The following AJAP1 variants were observed in gnomAD, a reference collection of about 807,000 sequenced individuals.
The protein encoded by AJAP1 is adherens junction-associated protein 1.
In AJAP1, 5 loss-of-function variants were observed where a neutral mutation model predicts 35.0. The observed-to-expected ratio is 0.14, with a 90% CI of 0.07 to 0.30. The LOEUF (loss-of-function observed/expected upper bound fraction) is 0.30. Among genes scored for constraint, AJAP1 ranks in the 10% least tolerant of loss-of-function variants. The pLI is 1.00. For missense variants in AJAP1, 586 were observed against 571.0 expected, an observed-to-expected ratio of 1.03 and a Z score of -0.27; for synonymous variants, 284 against 249.3, an observed-to-expected ratio of 1.14 and a Z score of -1.31.
chr1:4,734,609 A>C lies in AJAP1; in HGVS notation c.829+21910A>C, dbSNP rs1324795746. On this transcript the variant is annotated intron_variant, in intron 2 of 5. Coordinates refer to ENST00000378191, the MANE Select transcript of AJAP1 (RefSeq NM_018836.4). The surrounding 1 kb of genome is among the most constrained non-coding windows in gnomAD (Gnocchi z 4.3). ...GAGACAGGGATTAAGGAGTCTGTCC[A>C]GGTCTGCCCATGAATGAATGTCAGG... Among the ~76,000 whole-genome samples the C allele has an allele frequency of 1.3e-5, 2 of 152,194 alleles. No individual in the cohort carries two copies. Among genetic ancestry groups the C allele is most frequent in the Non-Finnish European group, 2.9e-5 (2 of 68,038 alleles).
At chr1:4,673,434 A>G (rs557740510) in intron 1 of AJAP1, among the ~76,000 whole-genome samples, 1 of 152,216 alleles carries the variant, frequency 6.6e-6, no homozygotes, top group South Asian at 2.1e-4. Context: ...TCTTCTAACA[A>G]GAGCTCATGC....
intron 2 of AJAP1, among the ~76,000 whole-genome samples, chr1:4,739,486 G>A (rs1280741174): frequency 1.3e-5 from 2 of 152,114 alleles, no homozygotes; most frequent in African/African-American, 4.8e-5. Context: ...GAGCTTTCTG[G>A]GGAAATAAGT....
chr1:4,667,755 A>G (rs1226411728), intron 1 of AJAP1, among the ~76,000 whole-genome samples: 1 of 152,170 alleles, frequency 6.6e-6, no homozygotes, highest in South Asian at 2.1e-4. Flanking sequence ...ACCCCCAGTC[A>G]GTTGCTGCTT....
At chr1:4,714,209 G>C (rs371489193) in intron 2 of AJAP1, among the ~76,000 whole-genome samples, 43 of 152,366 alleles carry the variant, frequency 2.8e-4, no homozygotes, top group East Asian at 2.1e-3. Flanking sequence ...GATGGAGGCT[G>C]TGGGCTTGGG....
At chr1:4,706,022 A>T (rs1168085306) in intron 1 of AJAP1, among the ~76,000 whole-genome samples, 1 of 152,092 alleles carries the variant, frequency 6.6e-6, no homozygotes, top group Non-Finnish European at 1.5e-5. Context: ...AATTTTTTGG[A>T]ATGTCTTAAA....
intron 1 of AJAP1, among the ~76,000 whole-genome samples, chr1:4,703,818 G>A (rs1481103599): frequency 6.6e-6 from 1 of 152,182 alleles, no homozygotes; most frequent in Non-Finnish European, 1.5e-5. Flanking sequence ...AGCAGAATAT[G>A]CTGCCACATT....
intron 2 of AJAP1, among the ~76,000 whole-genome samples, chr1:4,749,554 G>A (rs1332392811): frequency 1.3e-5 from 2 of 152,210 alleles, no homozygotes; most frequent in Admixed American, 6.5e-5. Flanking sequence ...CTCCACGGAC[G>A]TGGGGAGGCA....
intron 2 of AJAP1, among the ~76,000 whole-genome samples, chr1:4,754,478 T>G (rs1409141209): frequency 6.6e-6 from 1 of 152,124 alleles, no homozygotes. Context: ...GAGTTTCCAG[T>G]CTCTCAGGCA....
intron 2 of AJAP1, among the ~76,000 whole-genome samples, chr1:4,719,238 C>T (rs988000180): frequency 6.6e-6 from 1 of 152,202 alleles, no homozygotes; most frequent in Non-Finnish European, 1.5e-5. Context: ...ACCATCAGCT[C>T]TGTACTTAGT....
At chr1:4,674,042 CAAAAAAAAAA>C (rs57335438) in intron 1 of AJAP1, among the ~76,000 whole-genome samples, 2 of 81,940 alleles carry the variant, frequency 2.4e-5, no homozygotes, top group African/African-American at 4.6e-5. Context: ...CCCCCGCCAC[CAAAAAAAAAA>C]AAAAAAAAAA....
rs114054111 is a variant in AJAP1, at chr1:4,746,179, C to T, written c.830-23674C>T. Among the ~76,000 whole-genome samples the T allele has an allele frequency of 8.4e-3, 1,275 of 152,294 alleles. 6 individuals are homozygous for T. Among genetic ancestry groups the T allele is most frequent in the Non-Finnish European group, 0.013 (902 of 68,038 alleles). Reference sequence around the variant, plus strand: ...CCAGCTTCTGGGGACTCCAGGCATTCCTCGGACGGTGGCTGCATCTCCCCA... The same window carrying T: ...CCAGCTTCTGGGGACTCCAGGCATTTCTCGGACGGTGGCTGCATCTCCCCA... On this transcript the variant is annotated intron_variant, in intron 2 of 5. Transcript: ENST00000378191.
At chr1:4,667,230 T>C (rs12138132) in intron 1 of AJAP1, among the ~76,000 whole-genome samples, 29,911 of 152,124 alleles carry the variant, frequency 0.2, 3,745 homozygotes, top group Non-Finnish European at 0.28. Context: ...GCTCTGCTTT[T>C]ACTCAGAATT....
chr1:4,737,000 A>G (rs1166363518), intron 2 of AJAP1, among the ~76,000 whole-genome samples: 1 of 152,210 alleles, frequency 6.6e-6, no homozygotes, highest in African/African-American at 2.4e-5. Flanking sequence ...TAATCCAGCC[A>G]TCATCTAGAG....
In AJAP1 at chr1:4,726,821, C is replaced by G. The variant is rs544237429; in HGVS notation, c.829+14122C>G. ...GCCGGCTGCTGAGCTCGGGCCTGGT[C>G]TCCTTCAGGGTCCCTGGGGGATGGG... On this transcript the variant is annotated intron_variant, in intron 2 of 5. Transcript: ENST00000378191. 5.9e-5 allele frequency among the ~76,000 whole-genome samples: 9 copies of G among 152,210 alleles called. No individual in the cohort carries two copies. In the South Asian group the frequency reaches 1.9e-3, roughly 32 times the overall value.
At chr1:4,752,183 G>T (rs887854315) in intron 2 of AJAP1, among the ~76,000 whole-genome samples, 11 of 151,192 alleles carry the variant, frequency 7.3e-5, no homozygotes, top group Non-Finnish European at 1.5e-4. Context: ...GGAGGAGGGA[G>T]GAGAGAGAGG....
chr1:4,714,785 C>A (rs1640350506), intron 2 of AJAP1, among the ~76,000 whole-genome samples: 1 of 152,194 alleles, frequency 6.6e-6, no homozygotes, highest in African/African-American at 2.4e-5. Context: ...TACAGCAGCG[C>A]TCATCAGGGC....
intron 1 of AJAP1, among the ~76,000 whole-genome samples, chr1:4,671,516 G>GC (rs1639248551): frequency 1.3e-5 from 2 of 152,016 alleles, no homozygotes; most frequent in African/African-American, 4.8e-5. Context: ...AAGGTATGGA[G>GC]CCACAGGCCC....
In AJAP1 at chr1:4,711,988, G is replaced by T; in HGVS notation, c.118G>T (p.Ala40Ser). 1 of 1,592,530 alleles carries T rather than the reference G, an allele frequency of 6.3e-7. No homozygotes were observed. Among genetic ancestry groups the T allele is most frequent in the Non-Finnish European group, 8.5e-7 (1 of 1,173,112 alleles). ...AMFQLAVDLP[A>S]CEALGPGPEF... is the part of the protein sequence containing the mutation. ...GTTTCAGCTCGCCGTGGACCTGCCCGCCTGTGAGGCCCTGGGCCCGGGGCC... is the reference window on the plus strand; with the variant it reads ...GTTTCAGCTCGCCGTGGACCTGCCCTCCTGTGAGGCCCTGGGCCCGGGGCC... The change falls in exon 2 of 6, where the codon GCC (alanine) becomes TCC (serine). Residue 40 changes from alanine (A) to serine (S), a missense_variant. Ala to Ser is a moderately conservative substitution (Grantham distance 99). Coordinates refer to ENST00000378191, the MANE Select transcript of AJAP1 (RefSeq NM_018836.4).
chr1:4,770,329 C>T (rs780343394), intron 3 of AJAP1, among the ~76,000 whole-genome samples: 3 of 152,194 alleles, frequency 2.0e-5, no homozygotes, highest in East Asian at 1.9e-4. Context: ...CAGGGTCCCA[C>T]GTCCCTCACT....
Sources: gnomAD v4.1 joint callset for allele counts (sites outside exome capture counted in the v4.1 genomes callset) on GRCh38, gnomAD v4.1.1 for gene constraint, Gnocchi (gnomAD v3.1) non-coding constraint, MANE v1.5 for transcripts, NCBI Gene and HGNC (gene_info 2026-07-23, HGNC 2026-07-21) for gene names.